Variants in PCLO observed in about 807,000 individuals in gnomAD.
The protein encoded by PCLO is protein piccolo.
A neutral mutation model predicts 427.5 loss-of-function variants in PCLO; 82 were observed. The ratio of observed to expected loss-of-function variants is 0.19; its 90% CI spans 0.16 to 0.23. The LOEUF is 0.23. PCLO is among the 10% of genes least tolerant of loss of function. The probability of loss-of-function intolerance (pLI) is 1.00; values close to 1 mark genes in which losing one functional copy is unlikely to be tolerated. For missense variants in PCLO, 6,239 were observed against 6,115.9 expected (o/e 1.02, Z -0.67); for synonymous variants, 2,357 against 2,155.4 (o/e 1.09, Z -2.59).
chr7:83,085,788 T>C (rs1272567537), intron 3 of PCLO, among the ~76,000 whole-genome samples: 3 of 151,984 alleles, frequency 2.0e-5, no homozygotes, highest in African/African-American at 7.3e-5. Flanking sequence ...AAATAATAAA[T>C]AGTTAATTTT....
At chr7:82,816,145 C>T (rs949529328) in intron 20 of PCLO, among the ~76,000 whole-genome samples, 2 of 151,974 alleles carry the variant, frequency 1.3e-5, no homozygotes, top group Non-Finnish European at 2.9e-5. Context: ...CGTTTCTTCC[C>T]CCAGATCATG....
In PCLO at chr7:83,135,586, G is replaced by A. The variant is rs375601399; in HGVS notation, c.1964C>T (p.Ser655Leu). 6.2e-7 allele frequency: 1 copy of A among 1,613,340 alleles called. No homozygotes were observed. The highest frequency in any genetic ancestry group is 8.5e-7 in the Non-Finnish European group (1 of 1,179,664). ...ALGGDLAPVP[S>L]SPQPKLKTAP... Reference sequence around the variant, plus strand: ...AGTCTTCAGTTTGGGCTGGGGTGATGACGGAACTGGAGCCAGATCCCCGCC... The same window carrying A: ...AGTCTTCAGTTTGGGCTGGGGTGATAACGGAACTGGAGCCAGATCCCCGCC... Residue 655 changes from serine (S) to leucine (L), a missense_variant, in exon 3 of 25, where the codon TCA becomes TTA. Around this residue, in one of 5 missense-constraint regions of PCLO, gnomAD observed 4,677 missense variants for 4,468.4 expected, o/e 1.05. Transcript: ENST00000333891.
rs1172161621 is a variant in PCLO, at chr7:83,162,699, C to G, written c.-107G>C. The G allele has an allele frequency of 7.2e-6, 10 of 1,385,044 alleles. No individual in the cohort carries two copies. The highest frequency in any genetic ancestry group is 2.6e-4 in the Middle Eastern group (1 of 3,828). The allele number at this position is 1,385,044 out of a possible 1,614,324, so 85.8% of individuals were successfully genotyped here. ...GAGCCGGGGTCCGCCTCGGGGCGTG[C>G]AGGCAGCCGAGTCCCTGGACTCTGG... On this transcript the variant is annotated 5_prime_UTR_variant, in exon 1 of 25. Transcript: ENST00000333891.
In PCLO at chr7:82,754,885, G is replaced by C. The variant is rs1790284429; in HGVS notation, c.*3690C>G. 1 of 152,008 alleles carries C rather than the reference G, an allele frequency of 6.6e-6. No homozygotes were observed. Among genetic ancestry groups the C allele is most frequent in the South Asian group, 2.1e-4 (1 of 4,826 alleles). The allele number at this position is 152,008 out of a possible 1,614,324, so 9.4% of individuals were successfully genotyped here. A position where few individuals can be genotyped will look rare whatever the true frequency, so the allele number is the denominator to read the frequency against. ...TGTCACACATAACACATATATAGCT[G>C]TAGTTGGCTGATTTTGGAATATTTG... On this transcript the variant is annotated 3_prime_UTR_variant, in exon 25 of 25. Transcript: ENST00000333891.
intron 3 of PCLO, among the ~76,000 whole-genome samples, chr7:83,127,950 C>T (rs1002221553): frequency 6.6e-6 from 1 of 152,220 alleles, no homozygotes; most frequent in African/African-American, 2.4e-5. Flanking sequence ...GATCTATCTT[C>T]TCTGTAGACC....
rs180674766 is a variant in PCLO at position 82,779,721 on chromosome 7, T to C, written c.15008-18228A>G. ...CTGGGTTTTTTCTTTATTTTTGCTCTATATTTTTTTTTCTTTCTTTCTTTC... is the reference window on the plus strand; with the variant it reads ...CTGGGTTTTTTCTTTATTTTTGCTCCATATTTTTTTTTCTTTCTTTCTTTC... On this transcript the variant is annotated intron_variant, in intron 22 of 24. Transcript: ENST00000333891. 6.8e-3 allele frequency among the ~76,000 whole-genome samples: 1,005 copies of C among 148,264 alleles called. 14 individuals carry two copies. Among genetic ancestry groups the C allele is most frequent in the African/African-American group, 0.024 (951 of 39,970 alleles).
intron 13 of PCLO, among the ~76,000 whole-genome samples, chr7:82,843,285 G>C (rs1412412426): frequency 6.6e-6 from 1 of 152,154 alleles, no homozygotes; most frequent in Non-Finnish European, 1.5e-5. Flanking sequence ...ATTATGTTAA[G>C]TGGAATAATT....
chr7:82,794,722 C>T (rs1432159250), intron 22 of PCLO, among the ~76,000 whole-genome samples: 1 of 151,652 alleles, frequency 6.6e-6, no homozygotes, highest in African/African-American at 2.4e-5. Context: ...AATCTGTTCT[C>T]CTCGGTCTCC....
chr7:82,993,306 T>C (rs752673712), intron 3 of PCLO, among the ~76,000 whole-genome samples: 1 of 152,028 alleles, frequency 6.6e-6, no homozygotes, highest in South Asian at 2.1e-4. Flanking sequence ...TCTGGCCTTG[T>C]CTACAAAGAT....
At chr7:82,904,601 G>C (rs1308311518) in intron 8 of PCLO, among the ~76,000 whole-genome samples, 1 of 151,632 alleles carries the variant, frequency 6.6e-6, no homozygotes, top group Non-Finnish European at 1.5e-5. Context: ...CTTTCCATTT[G>C]GTCACAAATA....
At chr7:82,822,335 T>C (rs1791813658) in intron 20 of PCLO, 160 bp downstream of exon 20, 4 of 1,466,092 alleles carry the variant, frequency 2.7e-6, no homozygotes, top group Non-Finnish European at 3.6e-6. Context: ...AGAAAGAGCA[T>C]ATTAATGTAT....
At chr7:83,133,288 G>A (rs549879521) in intron 3 of PCLO, among the ~76,000 whole-genome samples, 1 of 151,956 alleles carries the variant, frequency 6.6e-6, no homozygotes, top group South Asian at 2.1e-4. Flanking sequence ...ACATTGGAGT[G>A]AAATTATTCT....
At position 83,038,009 on chromosome 7, in the gene PCLO, A is replaced by ATATATATATT. The variant is rs1788844963; in HGVS notation, c.3301-71523_3301-71522insAATATATATA. On this transcript the variant is annotated intron_variant, in intron 3 of 24. Transcript: ENST00000333891. ...GGAGCTTATATATATATATATATAT[A>ATATATATATT]TATATATATATATATATATATTTAT... is the stretch of plus-strand genomic sequence containing the variant. 4.6e-5 allele frequency among the ~76,000 whole-genome samples: 2 copies of ATATATATATT among 43,366 alleles called. 1 individual carries two copies. Among genetic ancestry groups the ATATATATATT allele is most frequent in the African/African-American group, 3.0e-4 (2 of 6,570 alleles). The allele number at this position is 43,366 out of a possible 152,430, so 28.4% of individuals were successfully genotyped here. A position where few individuals can be genotyped will look rare whatever the true frequency, so the allele number is the denominator to read the frequency against.
chr7:83,114,372 G>T (rs539361102), intron 3 of PCLO, among the ~76,000 whole-genome samples: 1 of 152,182 alleles, frequency 6.6e-6, no homozygotes, highest in South Asian at 2.1e-4. Flanking sequence ...AAAAATGAAT[G>T]AAAGATAAAG....
chr7:83,155,889 G>C lies in PCLO; in HGVS notation c.752C>G (p.Pro251Arg). Reference protein sequence around the residue: ...SQQPEKIKSQPPGTGKPIQGP... With the variant: ...SQQPEKIKSQRPGTGKPIQGP... ...CTGAATTGGCTTTCCTGTACCTGGA[G>C]GTTGTGATTTAATTTTTTCTGGTTG... is the stretch of plus-strand genomic sequence containing the variant. The change falls in exon 2 of 25, where the codon CCT becomes CGT. Residue 251 changes from proline (P) to arginine (R), a missense_variant. Physicochemically the swap from Pro to Arg is moderately radical, Grantham distance 103 (BLOSUM62 -2). Coordinates refer to ENST00000333891, the MANE Select transcript of PCLO (RefSeq NM_033026.6). 1 of 1,613,900 alleles carries C rather than the reference G, an allele frequency of 6.2e-7. No individual in the cohort carries two copies. The highest frequency in any genetic ancestry group is 8.5e-7 in the Non-Finnish European group (1 of 1,179,874).
chr7:82,775,172 A>T (rs1047017105), intron 22 of PCLO, among the ~76,000 whole-genome samples: 1 of 152,208 alleles, frequency 6.6e-6, no homozygotes, highest in East Asian at 1.9e-4. Context: ...AAGATTTGGC[A>T]ATTATGACTT....
chr7:82,889,316 C>G lies in PCLO; in HGVS notation c.13529-9854G>C, dbSNP rs918803160. The stretch of plus-strand genomic sequence containing the variant: ...CCATAACCCCAGGACAGGCAGGAAT[C>G]TCTCCCTCACCACCAGGATGCTTAG... On this transcript the variant is annotated intron_variant, in intron 9 of 24. Transcript: ENST00000333891. Among the ~76,000 whole-genome samples, 6 of 152,188 alleles carry G rather than the reference C, an allele frequency of 3.9e-5. No individual in the cohort carries two copies. The East Asian group carries it at 1.2e-3, about 29-fold the overall frequency.
chr7:83,075,177 C>A lies in PCLO; in HGVS notation c.3300+59073G>T, dbSNP rs16887394. 4.1e-3 allele frequency among the ~76,000 whole-genome samples: 631 copies of A among 152,164 alleles called. 5 individuals carry two copies. The highest frequency in any genetic ancestry group is 0.014 in the African/African-American group (591 of 41,538). On this transcript the variant is annotated intron_variant, in intron 3 of 24. Transcript: ENST00000333891. The stretch of plus-strand genomic sequence containing the variant: ...TGTTACTATCAAACCTAAAAAGACA[C>A]GTAAAAATTGAGAGATATCACCAAG...
chr7:83,082,429 A>G (rs1790124927), intron 3 of PCLO, among the ~76,000 whole-genome samples: 2 of 151,838 alleles, frequency 1.3e-5, no homozygotes, highest in South Asian at 2.1e-4. Flanking sequence ...AAAATCGTAC[A>G]TACTTGGAAC....
Sources: allele counts gnomAD v4.1 joint callset (sites outside exome capture counted in the v4.1 genomes callset), GRCh38; gene constraint gnomAD v4.1.1; regional missense constraint gnomAD v4.1.1; transcripts MANE v1.5; gene names NCBI Gene and HGNC (gene_info 2026-07-23, HGNC 2026-07-21).